TMPRSS15: variants seen among roughly 807,000 people sequenced by gnomAD.
TMPRSS15 encodes the protein enteropeptidase.
In TMPRSS15, 128 loss-of-function variants were observed where a neutral mutation model predicts 125.3. The observed-to-expected ratio is 1.02, with a 90% confidence interval of 0.89 to 1.18. TMPRSS15 has a LOEUF of 1.18. Ranked by LOEUF, TMPRSS15 falls within the 50% of genes most tolerant of loss-of-function variation. TMPRSS15 has a pLI of 0.00. For missense variants in TMPRSS15, 1,283 were observed against 1,212.7 expected, an observed-to-expected ratio of 1.06 and a Z score of -0.86; for synonymous variants, 446 against 423.2, an observed-to-expected ratio of 1.05 and a Z score of -0.66.
intron 19 of TMPRSS15, among the ~76,000 whole-genome samples, chr21:18,295,642 A>G (rs1219568299): frequency 6.6e-6 from 1 of 152,262 alleles, no homozygotes; most frequent in Non-Finnish European, 1.5e-5. Flanking sequence ...ATGTATACGT[A>G]TTGAATGACT....
At chr21:18,461,472 T>C (rs1978549593) in intron 1 of TMPRSS15, among the ~76,000 whole-genome samples, 1 of 150,082 alleles carries the variant, frequency 6.7e-6, no homozygotes, top group Non-Finnish European at 1.5e-5. Context: ...AAGCAGGATT[T>C]AAAAAAAAAA....
chr21:18,372,047 T>A (rs2075796572), intron 6 of TMPRSS15, 146 bp downstream of exon 6: 1 of 422,060 alleles, frequency 2.4e-6, no homozygotes, highest in African/African-American at 2.1e-5. Flanking sequence ...ATTTTAAAAA[T>A]AGCTATTTAA....
At chr21:18,456,524 C>T (rs570147168) in intron 1 of TMPRSS15, among the ~76,000 whole-genome samples, 2 of 152,082 alleles carry the variant, frequency 1.3e-5, no homozygotes, top group South Asian at 2.1e-4. Context: ...TGAGACTAGA[C>T]CTGAAGAGGG....
At chr21:18,305,215 G>A (rs1419169193) in intron 18 of TMPRSS15, among the ~76,000 whole-genome samples, 1 of 119,942 alleles carries the variant, frequency 8.3e-6, no homozygotes, top group Non-Finnish European at 1.6e-5. Context: ...TTGAGACGGA[G>A]TCTCCCTCTG....
chr21:18,390,351 A>G (rs2075980377), intron 3 of TMPRSS15, among the ~76,000 whole-genome samples: 1 of 152,222 alleles, frequency 6.6e-6, no homozygotes, highest in African/African-American at 2.4e-5. Context: ...AAAGATGCTA[A>G]TCTCTAACAT....
At chr21:18,302,431 C>A (rs2074983245) in intron 18 of TMPRSS15, among the ~76,000 whole-genome samples, 1 of 152,146 alleles carries the variant, frequency 6.6e-6, no homozygotes, top group Non-Finnish European at 1.5e-5. Context: ...CATTTCTGAG[C>A]TGGACACATT....
chr21:18,478,972 C>T (rs1978929375), intron 1 of TMPRSS15, among the ~76,000 whole-genome samples: 1 of 151,910 alleles, frequency 6.6e-6, no homozygotes, highest in African/African-American at 2.4e-5. Context: ...GAGAACAGAA[C>T]TCTTTCATAT....
chr21:18,455,081 A>T (rs1231808225), intron 1 of TMPRSS15, among the ~76,000 whole-genome samples: 1 of 151,966 alleles, frequency 6.6e-6, no homozygotes, highest in Non-Finnish European at 1.5e-5. Flanking sequence ...TTCACACGAG[A>T]TCTGATGGTT....
intron 1 of TMPRSS15, among the ~76,000 whole-genome samples, chr21:18,430,944 C>T (rs1042606668): frequency 6.6e-6 from 1 of 152,098 alleles, no homozygotes; most frequent in African/African-American, 2.4e-5. Context: ...ATTTTCCAGG[C>T]AAATGTGCTC....
At chr21:18,372,848 A>G (rs1386686517) in intron 5 of TMPRSS15, among the ~76,000 whole-genome samples, 1 of 152,228 alleles carries the variant, frequency 6.6e-6, no homozygotes, top group Non-Finnish European at 1.5e-5. Flanking sequence ...TCTCAGCCTG[A>G]CTTGTCCTTC....
intron 1 of TMPRSS15, among the ~76,000 whole-genome samples, chr21:18,432,426 C>A (rs1264473674): frequency 6.6e-6 from 1 of 152,126 alleles, no homozygotes; most frequent in Non-Finnish European, 1.5e-5. Flanking sequence ...AATCTCAGTA[C>A]CTCAGATTGC....
At chr21:18,445,132 G>T (rs1331192739) in intron 1 of TMPRSS15, among the ~76,000 whole-genome samples, 2 of 151,458 alleles carry the variant, frequency 1.3e-5, no homozygotes, top group Non-Finnish European at 2.9e-5. Context: ...ATTTTATTTG[G>T]CTGGCTAGTA....
intron 10 of TMPRSS15, among the ~76,000 whole-genome samples, chr21:18,349,813 G>T (rs768744968): frequency 6.6e-6 from 1 of 152,044 alleles, no homozygotes; most frequent in Non-Finnish European, 1.5e-5. Flanking sequence ...CATTCAACCC[G>T]TTTCACTTTG....
intron 16 of TMPRSS15, among the ~76,000 whole-genome samples, 159 bp from the exon 17 acceptor site, chr21:18,315,415 C>T (rs905044600): frequency 7.4e-6 from 1 of 135,922 alleles, no homozygotes; most frequent in Admixed American, 7.7e-5. Context: ...ATGGGTGCAG[C>T]ACACCAACAT....
chr21:18,282,097 C>CAAAAA (rs954911028), intron 21 of TMPRSS15, among the ~76,000 whole-genome samples: 1 of 24,962 alleles, frequency 4.0e-5, no homozygotes, highest in Non-Finnish European at 1.0e-4. Context: ...GACTCCGCCT[C>CAAAAA]AAAAAAAAAA....
chr21:18,440,372 C>CAAAAAAAAAAAA (rs539968323), intron 1 of TMPRSS15, among the ~76,000 whole-genome samples: 17,201 of 43,588 alleles, frequency 0.39, 3,219 homozygotes, highest in Non-Finnish European at 0.5. Context: ...AACTCCGTCT[C>CAAAAAAAAAAAA]AAAAAAAAAA....
intron 16 of TMPRSS15, among the ~76,000 whole-genome samples, chr21:18,318,441 C>T (rs1252882552): frequency 6.6e-6 from 1 of 152,144 alleles, no homozygotes; most frequent in Non-Finnish European, 1.5e-5. Flanking sequence ...TAAAAACTTC[C>T]TATCTTCCAA....
Position 18,294,272 on chromosome 21 carries a change from A to G in TMPRSS15, c.2484T>C (p.Tyr828=). The change falls in exon 21 of 25, where the codon TAT becomes TAC. Residue 828 remains tyrosine, a splice_region_variant and synonymous_variant. Transcript: ENST00000284885. The part of the protein sequence containing the change: ...DWLVSAAHCV[Y]GRNLEPSKWT... ...GGGACACTTGACATCACACTCACCC[A>G]TACACGCAGTGTGCGGCGGACACCA... 6.2e-7 allele frequency: 1 copy of G among 1,614,184 alleles called. No individual in the cohort carries two copies. The highest frequency in any genetic ancestry group is 8.5e-7 in the Non-Finnish European group (1 of 1,180,044).
rs183530630 is a variant in TMPRSS15, at chr21:18,278,793, C to G, written c.2764+171G>C. Among the ~76,000 whole-genome samples, 77 of 152,156 alleles carry G rather than the reference C, an allele frequency of 5.1e-4. No homozygotes were observed. In the Middle Eastern group the frequency reaches 0.01, roughly 20 times the overall value. ...TATCTTTGAAAGCTCTACAGATACA[C>G]AACTCTAAATATATATATGTACATG... On this transcript the variant is annotated intron_variant, in intron 23 of 24. Transcript: ENST00000284885.
Sources: allele counts gnomAD v4.1 joint callset (sites outside exome capture counted in the v4.1 genomes callset), GRCh38; gene constraint gnomAD v4.1.1; transcripts MANE v1.5; gene names NCBI Gene and HGNC (gene_info 2026-07-23, HGNC 2026-07-21).